GALK1: variants seen among roughly 807,000 people sequenced by gnomAD.
GALK1 encodes the protein galactokinase 1, also known as galactokinase.
A neutral mutation model predicts 38.6 loss-of-function variants in GALK1; 30 were observed. The observed-to-expected ratio is 0.78, with a 90% CI of 0.58 to 1.05. The LOEUF (loss-of-function observed/expected upper bound fraction) is 1.05, where lower values mean the gene tolerates loss of function less well. Ranked by LOEUF, GALK1 falls within the 50% of genes least tolerant of loss-of-function variation. The pLI is 0.00. For synonymous variants in GALK1, 240 were observed against 233.6 expected (o/e 1.03, Z -0.25); for missense variants, 512 against 540.5 (o/e 0.95, Z 0.52).
At chr17:75,756,726 T>G (rs2061515230), downstream of GALK1, 2 of 1,613,054 alleles carry the variant, frequency 1.2e-6, no homozygotes. Context: ...CTTTGAGCAC[T>G]CCCAGTGCCC....
rs527782820 is a variant in GALK1, at chr17:75,763,742, G to A, written c.355+155C>T. On this transcript the variant is annotated intron_variant, in intron 2 of 7. Transcript: ENST00000588479. ...CACGGGAAACCCAGGGCAAGTTCCC[G>A]ACCTTCTGGGGGCATCAGTTTCCTC... 29 of 865,392 alleles carry A rather than the reference G, an allele frequency of 3.4e-5. No individual in the cohort carries two copies. The East Asian group carries it at 4.0e-4, about 12-fold the overall frequency. 53.6% of individuals were successfully genotyped at this position (865,392 alleles called of 1,614,324 possible). A position where few individuals can be genotyped will look rare whatever the true frequency, so the allele number is the denominator to read the frequency against.
chr17:75,764,782 C>G, intron 1 of GALK1, 190 bp downstream of exon 1: 1 of 682,136 alleles, frequency 1.5e-6, no homozygotes, highest in Non-Finnish European at 2.5e-6. Context: ...CGGCCACTTC[C>G]TCGCTTCCTC....
chr17:75,756,071 A>G (rs1217144280), downstream of GALK1, among the ~76,000 whole-genome samples: 1 of 152,040 alleles, frequency 6.6e-6, no homozygotes, highest in African/African-American at 2.4e-5. Context: ...TCTCCTGGTC[A>G]TTCTCTGCTA....
At chr17:75,752,988 C>T (rs868577764), downstream of GALK1, among the ~76,000 whole-genome samples, 9 of 152,236 alleles carry the variant, frequency 5.9e-5, no homozygotes, top group South Asian at 6.2e-4. Flanking sequence ...TGTCCTTCCT[C>T]CTTGATTCCC....
At chr17:75,752,074 G>A in intron 8 of GALK1, 1 of 1,292,158 alleles carries the variant, frequency 7.7e-7, no homozygotes, top group Non-Finnish European at 1.1e-6. Flanking sequence ...CAGCCCCTGG[G>A]TGCCATCCAG....
chr17:75,756,945 C>T (rs763845630), downstream of GALK1: 2 of 1,612,506 alleles, frequency 1.2e-6, no homozygotes, highest in Non-Finnish European at 1.7e-6. Context: ...CTGCTCAGGG[C>T]CAGCCACCGC....
At chr17:75,762,922 A>G in intron 4 of GALK1, 37 bp from the exon 5 acceptor site, 2 of 1,609,594 alleles carry the variant, frequency 1.2e-6, no homozygotes, top group Non-Finnish European at 1.7e-6. Context: ...TGACGAGGCC[A>G]AGCGTGTGCT....
chr17:75,757,804 G>A, downstream of GALK1: 1 of 662,622 alleles, frequency 1.5e-6, no homozygotes, highest in Non-Finnish European at 2.6e-6. Flanking sequence ...TTAATAAATG[G>A]TTTTGCTACT....
At chr17:75,754,143 G>A (rs2061432625), downstream of GALK1, among the ~76,000 whole-genome samples, 3 of 152,236 alleles carry the variant, frequency 2.0e-5, no homozygotes, top group South Asian at 6.2e-4. Flanking sequence ...GCCAGGGGAC[G>A]CGTGAGGCAG....
In GALK1 at chr17:75,758,037, G is replaced by T; in HGVS notation, c.*19C>A. On this transcript the variant is annotated 3_prime_UTR_variant, in exon 8 of 8. Transcript: ENST00000588479. ...CCTGCAGGCCCCGCACCCTCACCGT[G>T]TGCTGTCCTGGGGGTGCCTCACAAG... is the stretch of plus-strand genomic sequence containing the variant. 6.2e-7 allele frequency: 1 copy of T among 1,612,474 alleles called. No homozygotes were observed. The highest frequency in any genetic ancestry group is 8.5e-7 in the Non-Finnish European group (1 of 1,179,806).
At chr17:75,759,478 G>A (rs1025687181) in intron 5 of GALK1, among the ~76,000 whole-genome samples, 4 of 151,978 alleles carry the variant, frequency 2.6e-5, no homozygotes, top group Admixed American at 2.6e-4. Flanking sequence ...GAGACAGTGG[G>A]TGGTGTTTTA....
Position 75,762,898 on chromosome 17 carries a change from T to A in GALK1, c.612-13A>T. The stretch of plus-strand genomic sequence containing the variant: ...GGTCTCCAAGGACCTGGGGTGGAGT[T>A]ACAATGGGGGAGATGACGAGGCCAA... On this transcript the variant is annotated splice_polypyrimidine_tract_variant and intron_variant, in intron 4 of 7. Coordinates refer to ENST00000588479, the MANE Select transcript of GALK1 (RefSeq NM_000154.2). 2.5e-6 allele frequency: 4 copies of A among 1,613,020 alleles called. No individual in the cohort carries two copies. The South Asian group carries it at 3.3e-5, about 13-fold the overall frequency.
Position 75,752,217 on chromosome 17 carries a change from G to C in GALK1, c.*23-480C>G. On this transcript the variant is annotated intron_variant, in intron 8 of 8. Transcript: ENST00000225614. ...AGAAAGTGCTGGTTGACAACCCTAA[G>C]AACCGGATGCTGCTTATTGAGAACC... The C allele has an allele frequency of 1.2e-6, 2 of 1,613,934 alleles. No individual in the cohort carries two copies.
chr17:75,761,206 A>G (rs1330219370), intron 5 of GALK1, among the ~76,000 whole-genome samples: 1 of 151,728 alleles, frequency 6.6e-6, no homozygotes, highest in Non-Finnish European at 1.5e-5. Context: ...TGTCTCAAAT[A>G]AATAAATAAA....
chr17:75,753,622 C>A, downstream of GALK1: 1 of 491,546 alleles, frequency 2.0e-6, no homozygotes, highest in Non-Finnish European at 3.2e-6. Context: ...CCGTGCGCAT[C>A]TACCCCCGCC....
At chr17:75,756,408 G>A (rs1277098652), downstream of GALK1, 1 of 1,612,274 alleles carries the variant, frequency 6.2e-7, no homozygotes, top group Non-Finnish European at 8.5e-7. Flanking sequence ...ACTACTGTGT[G>A]CCCCCACCTG....
chr17:75,764,150 C>G (rs1288771230), intron 1 of GALK1, 64 bp from the exon 2 acceptor site: 1 of 1,428,506 alleles, frequency 7.0e-7, no homozygotes, highest in Non-Finnish European at 9.6e-7. Flanking sequence ...TCCAATGACA[C>G]TGCCTCCAGC....
downstream of GALK1, chr17:75,754,986 G>A (rs993575594): frequency 1.3e-6 from 2 of 1,549,684 alleles, no homozygotes; most frequent in Non-Finnish European, 1.8e-6. Flanking sequence ...ACACAGACAT[G>A]CATGCGCACA....
downstream of GALK1, chr17:75,756,976 GC>G (rs1157557804): frequency 5.6e-6 from 9 of 1,612,762 alleles, no homozygotes; most frequent in Non-Finnish European, 7.6e-6. Flanking sequence ...GATGGAGACA[GC>G]CCCGAGAGCC....
Sources: allele counts gnomAD v4.1 joint callset (sites outside exome capture counted in the v4.1 genomes callset), GRCh38; gene constraint gnomAD v4.1.1; transcripts MANE v1.5; gene names NCBI Gene and HGNC (gene_info 2026-07-23, HGNC 2026-07-21).